The following USP7 variants were observed in gnomAD, a reference collection of about 807,000 sequenced individuals.
USP7 encodes the protein ubiquitin C-terminal hydrolase 7.
In USP7, 9 loss-of-function variants were observed where a neutral mutation model predicts 162.9. That is an observed-to-expected ratio of 0.06 (90% CI 0.03 to 0.10). The LOEUF is 0.10. Ranked by LOEUF, USP7 falls within the 10% of genes least tolerant of loss-of-function variation. USP7 has a pLI of 1.00. For missense variants in USP7, 715 were observed against 1,373.7 expected (o/e 0.52, Z 7.58); for synonymous variants, 562 against 475.9 (o/e 1.18, Z -2.35).
At chr16:8,947,520 G>T (rs943006321) in intron 1 of USP7, among the ~76,000 whole-genome samples, 5 of 152,036 alleles carry the variant, frequency 3.3e-5, no homozygotes, top group African/African-American at 1.2e-4. Flanking sequence ...GCTAATTTTT[G>T]TATTTTTAGA....
chr16:8,895,629 C>G lies in USP7; in HGVS notation c.2919+13G>C, dbSNP rs775317216. 5 of 1,604,036 alleles carry G rather than the reference C, an allele frequency of 3.1e-6. No individual in the cohort carries two copies. The African/African-American group carries it at 4.0e-5, about 13-fold the overall frequency. On this transcript the variant is annotated intron_variant, in intron 27 of 30. Coordinates refer to ENST00000344836, the MANE Select transcript of USP7 (RefSeq NM_003470.3). ...GAATTCTCTCTGGTGCCAACAGTAT[C>G]GGGGACAGATACCTCTATTCGAAAC...
At chr16:8,949,943 T>C (rs1899474144) in intron 1 of USP7, among the ~76,000 whole-genome samples, 1 of 152,174 alleles carries the variant, frequency 6.6e-6, no homozygotes, top group Non-Finnish European at 1.5e-5. Flanking sequence ...TGCTATCCCC[T>C]AGAATAGCAA....
Position 8,920,466 on chromosome 16 carries a change from A to G in USP7, c.523-19T>C. ...TCACTTCCTATAAAACATAAATAAGAATATCCAGCTTGAATAAGAACACAC... is the reference window on the plus strand; with the variant it reads ...TCACTTCCTATAAAACATAAATAAGGATATCCAGCTTGAATAAGAACACAC... On this transcript the variant is annotated intron_variant, in intron 4 of 30. Transcript: ENST00000344836. 6.3e-7 allele frequency: 1 copy of G among 1,596,188 alleles called. No individual in the cohort carries two copies. The highest frequency in any genetic ancestry group is 8.6e-7 in the Non-Finnish European group (1 of 1,168,366).
At position 8,901,312 on chromosome 16, in the gene USP7, A is replaced by G. The variant is rs533882836; in HGVS notation, c.2048-78T>C. On this transcript the variant is annotated intron_variant, in intron 18 of 30. Coordinates refer to ENST00000344836, the MANE Select transcript of USP7 (RefSeq NM_003470.3). ...TTAAAAAACAAAAAAACAAACAAAC[A>G]AAAAAACGAAAAAAAAAAAACAGTA... is the stretch of plus-strand genomic sequence containing the variant. 1.2e-4 allele frequency: 97 copies of G among 809,832 alleles called. 1 individual carries two copies. In the South Asian group the frequency reaches 1.5e-3, roughly 12 times the overall value. 50.2% of individuals were successfully genotyped at this position (809,832 alleles called of 1,614,324 possible).
At position 8,916,902 on chromosome 16, in the gene USP7, C is replaced by T. The variant is rs377515705; in HGVS notation, c.851+124G>A. 9.6e-6 allele frequency: 11 copies of T among 1,140,572 alleles called. No individual in the cohort carries two copies. In the African/African-American group the frequency reaches 1.6e-4, roughly 17 times the overall value. 70.7% of individuals were successfully genotyped at this position (1,140,572 alleles called of 1,614,324 possible). On this transcript the variant is annotated intron_variant, in intron 7 of 30. Coordinates refer to ENST00000344836, the MANE Select transcript of USP7 (RefSeq NM_003470.3). ...AAAAGCACTGACACGATTAAATGCT[C>T]AAGCCTCCCTAAATTAAGTGCCTAC...
At chr16:8,949,464 A>G (rs1899449130) in intron 1 of USP7, 3 of 152,294 alleles carry the variant, frequency 2.0e-5, no homozygotes, top group Admixed American at 2.0e-4. Context: ...AACACAACAC[A>G]ACATGGCAAT....
At chr16:8,902,283 T>C in intron 17 of USP7, 96 bp from the exon 18 acceptor site, 3 of 1,572,732 alleles carry the variant, frequency 1.9e-6, no homozygotes, top group Non-Finnish European at 1.7e-6. Flanking sequence ...CGTCCAATTC[T>C]AGTTAAGTGG....
At chr16:8,932,632 G>A (rs1567234211) in intron 1 of USP7, among the ~76,000 whole-genome samples, 1 of 151,884 alleles carries the variant, frequency 6.6e-6, no homozygotes, top group East Asian at 1.9e-4. Context: ...AGAAAGAAAA[G>A]AAAAATCAGG....
intron 7 of USP7, 120 bp from the exon 8 acceptor site, chr16:8,916,676 T>A (rs2141203211): frequency 9.6e-7 from 1 of 1,043,292 alleles, no homozygotes; most frequent in South Asian, 1.7e-5. Context: ...ATTCCTTTTC[T>A]GTGAAGATTA....
At chr16:8,928,069 G>A (rs1281062174) in intron 2 of USP7, among the ~76,000 whole-genome samples, 1 of 152,198 alleles carries the variant, frequency 6.6e-6, no homozygotes, top group African/African-American at 2.4e-5. Context: ...AGTAGATACA[G>A]TAAAAGATAA....
chr16:8,894,807 T>C lies in USP7; in HGVS notation c.3088A>G (p.Ile1030Val). ...ACCTTCTCAAACTCCTTCTCCTGGA[T>C]GTCCAGCAGGCTCTGGATTCGCTTC... ...VMKRIQSLLD[I>V]QEKEFEKFKF... is the part of the protein sequence containing the mutation. Residue 1030 changes from isoleucine (I) to valine (V), a missense_variant, in exon 29 of 31, where the codon ATC becomes GTC. Ile to Val is a conservative substitution (Grantham distance 29). Coordinates refer to ENST00000344836, the MANE Select transcript of USP7 (RefSeq NM_003470.3). 6.2e-7 allele frequency: 1 copy of C among 1,614,226 alleles called. No individual in the cohort carries two copies. Among genetic ancestry groups the C allele is most frequent in the Non-Finnish European group, 8.5e-7 (1 of 1,180,042 alleles).
intron 6 of USP7, 132 bp from the exon 7 acceptor site, chr16:8,917,288 T>C: frequency 9.2e-7 from 1 of 1,086,192 alleles, no homozygotes; most frequent in Non-Finnish European, 1.2e-6. Context: ...TTGTTAGGGC[T>C]TTTAACGATC....
Position 8,894,239 on chromosome 16 carries a change from C to G in USP7, c.3203-135G>C, listed in dbSNP as rs140135708. 158 of 815,196 alleles carry G rather than the reference C, an allele frequency of 1.9e-4. No homozygotes were observed. The Middle Eastern group carries it at 2.1e-3, about 11-fold the overall frequency. The allele number at this position is 815,196 out of a possible 1,614,324, so 50.5% of individuals were successfully genotyped here. ...CGCAGGGAAGCCAGGACCTGAGCTA[C>G]ACGCCCACCTGGAGCTAAGGAGGCC... On this transcript the variant is annotated intron_variant, in intron 30 of 30. Transcript: ENST00000344836.
At chr16:8,900,661 G>A in intron 20 of USP7, 31 bp from the exon 21 acceptor site, 1 of 1,530,724 alleles carries the variant, frequency 6.5e-7, no homozygotes, top group South Asian at 1.2e-5. Context: ...TTGTTACACT[G>A]CAAGTTTGTC....
At chr16:8,914,527 G>A (rs901420551) in intron 10 of USP7, among the ~76,000 whole-genome samples, 1 of 152,174 alleles carries the variant, frequency 6.6e-6, no homozygotes, top group Non-Finnish European at 1.5e-5. Flanking sequence ...CAAAATTTTT[G>A]TGGTATATTC....
intron 16 of USP7, among the ~76,000 whole-genome samples, 195 bp from the exon 17 acceptor site, chr16:8,902,677 C>T (rs1056640550): frequency 1.3e-5 from 2 of 151,888 alleles, no homozygotes; most frequent in African/African-American, 2.4e-5. Context: ...ATCACGAGGT[C>T]GGGAGTTCAA....
intron 6 of USP7, among the ~76,000 whole-genome samples, chr16:8,918,469 T>G (rs1033673051): frequency 3.3e-5 from 5 of 152,250 alleles, no homozygotes; most frequent in Non-Finnish European, 7.3e-5. Context: ...TATATGTTTT[T>G]CTAAATACCT....
chr16:8,933,366 G>C (rs1427449459), intron 1 of USP7, among the ~76,000 whole-genome samples: 1 of 152,184 alleles, frequency 6.6e-6, no homozygotes, highest in Non-Finnish European at 1.5e-5. Context: ...GGGCAATATA[G>C]TGAGATTCCC....
At chr16:8,919,002 G>A in intron 6 of USP7, 29 bp downstream of exon 6, 2 of 1,606,052 alleles carry the variant, frequency 1.2e-6, no homozygotes, top group Non-Finnish European at 1.7e-6. Flanking sequence ...TGAGCGGAAG[G>A]CTGCAGGAGA....
Sources: allele counts gnomAD v4.1 joint callset (sites outside exome capture counted in the v4.1 genomes callset), GRCh38; gene constraint gnomAD v4.1.1; transcripts MANE v1.5; gene names NCBI Gene and HGNC (gene_info 2026-07-23, HGNC 2026-07-21).